MLIP: variants seen among roughly 807,000 people sequenced by gnomAD.
MLIP encodes the protein muscular LMNA interacting protein.
Under a neutral mutation model 84.8 loss-of-function variants are expected in MLIP, and 79 were observed. The ratio of observed to expected loss-of-function variants is 0.93; its 90% CI spans 0.78 to 1.12. The LOEUF is 1.12. Ranked by LOEUF, MLIP falls within the 50% of genes most tolerant of loss-of-function variation. MLIP has a pLI of 0.00. For synonymous variants in MLIP, 504 were observed against 463.0 expected, an observed-to-expected ratio of 1.09 and a Z score of -1.14; for missense variants, 1,257 against 1,160.6, an observed-to-expected ratio of 1.08 and a Z score of -1.21.
At chr6:54,192,292 A>G (rs148874824) in intron 10 of MLIP, among the ~76,000 whole-genome samples, 51 of 152,054 alleles carry the variant, frequency 3.4e-4, no homozygotes, top group Middle Eastern at 3.5e-3. Flanking sequence ...TCAAGTAAGC[A>G]TATCACATTA....
At chr6:54,232,585 T>A (rs1372158491) in intron 12 of MLIP, among the ~76,000 whole-genome samples, 1 of 152,238 alleles carries the variant, frequency 6.6e-6, no homozygotes. Context: ...TAGTCTTGAA[T>A]CTGTATTGCC....
chr6:54,228,180 C>CA (rs869112313), intron 11 of MLIP, among the ~76,000 whole-genome samples: 5 of 75,816 alleles, frequency 6.6e-5, no homozygotes, highest in African/African-American at 2.4e-4. Flanking sequence ...GAGACTGTCT[C>CA]AAAAAAAAAA....
At chr6:54,224,295 G>A (rs963145230) in intron 11 of MLIP, among the ~76,000 whole-genome samples, 3 of 151,672 alleles carry the variant, frequency 2.0e-5, no homozygotes, top group African/African-American at 4.8e-5. Context: ...CACAAAATAC[G>A]ACACTGCTTC....
chr6:54,137,409 C>G lies in MLIP; in HGVS notation c.1340C>G (p.Ser447Cys). The change falls in exon 4 of 14, where the codon TCC (serine) becomes TGC (cysteine). Residue 447 changes from serine to cysteine, a missense_variant. Coordinates refer to ENST00000502396, the MANE Select transcript of MLIP (RefSeq NM_001281747.2). ...TTCTCTCTCAACTCCCCGGCCTCTT[C>G]CACGCTCACACTTGACCAAAAAGAA... ...PTFSLNSPAS[S>C]TLTLDQKEKQ... The G allele has an allele frequency of 6.5e-7, 1 of 1,536,096 alleles. No homozygotes were observed. The highest frequency in any genetic ancestry group is 8.7e-7 in the Non-Finnish European group (1 of 1,146,880).
chr6:54,185,469 G>C (rs1777297538), intron 9 of MLIP, among the ~76,000 whole-genome samples: 1 of 152,030 alleles, frequency 6.6e-6, no homozygotes, highest in Non-Finnish European at 1.5e-5. Flanking sequence ...AAGGAATTTG[G>C]GGGATTTATA....
chr6:54,039,558 T>G (rs1426924919), intron 1 of MLIP, among the ~76,000 whole-genome samples: 1 of 151,844 alleles, frequency 6.6e-6, no homozygotes, highest in Admixed American at 6.6e-5. Flanking sequence ...ATGGTGCTCA[T>G]CTGTGAATCT....
At chr6:54,098,673 G>C (rs1768409430) in intron 1 of MLIP, among the ~76,000 whole-genome samples, 1 of 152,102 alleles carries the variant, frequency 6.6e-6, no homozygotes, top group African/African-American at 2.4e-5. Flanking sequence ...AAGAGGATGT[G>C]GGAATAGGTA....
At chr6:54,124,417 A>G (rs1714460917) in intron 2 of MLIP, 56 bp from the exon 3 acceptor site, 13 of 1,505,416 alleles carry the variant, frequency 8.6e-6, no homozygotes, top group Admixed American at 2.1e-5. Flanking sequence ...ACATGCCAAA[A>G]AAGAAGCATT....
chr6:54,237,718 C>T (rs1257024786), intron 12 of MLIP, among the ~76,000 whole-genome samples: 8 of 149,920 alleles, frequency 5.3e-5, no homozygotes, highest in East Asian at 3.9e-4. Context: ...GGCATGGTTT[C>T]GTGCACCTGT....
In MLIP at chr6:54,156,613, T is replaced by G. The variant is rs139116168; in HGVS notation, c.2290-3754T>G. 3.3e-3 allele frequency among the ~76,000 whole-genome samples: 502 copies of G among 152,228 alleles called. 4 individuals are homozygous for G. Among genetic ancestry groups the G allele is most frequent in the African/African-American group, 0.011 (446 of 41,560 alleles). ...AGAAAGATATAGTTTATTTGTCAAT[T>G]AAATTACTCAAAGAGTTTAAATCAC... On this transcript the variant is annotated intron_variant, in intron 5 of 13. Transcript: ENST00000502396.
At chr6:54,205,342 A>T (rs1207538415) in intron 11 of MLIP, among the ~76,000 whole-genome samples, 1 of 152,214 alleles carries the variant, frequency 6.6e-6, no homozygotes, top group African/African-American at 2.4e-5. Flanking sequence ...AGCTGATCTC[A>T]TCCACCCATG....
At chr6:54,246,110 C>G (rs971396684) in intron 12 of MLIP, among the ~76,000 whole-genome samples, 4 of 152,136 alleles carry the variant, frequency 2.6e-5, no homozygotes, top group African/African-American at 9.7e-5. Flanking sequence ...TTCTGTGAAT[C>G]AAATGGAAAT....
At chr6:54,059,107 G>A (rs936933338) in intron 1 of MLIP, 1 of 152,160 alleles carries the variant, frequency 6.6e-6, no homozygotes, top group Non-Finnish European at 1.5e-5. Context: ...TAGAGGGAGA[G>A]ATTTGAATCA....
chr6:54,235,187 C>T (rs1043645916), intron 12 of MLIP, among the ~76,000 whole-genome samples: 3 of 152,126 alleles, frequency 2.0e-5, no homozygotes, highest in African/African-American at 4.8e-5. Context: ...AAGTTGAATG[C>T]GTTCTTATAT....
chr6:54,173,802 G>C (rs1484749966), intron 9 of MLIP, among the ~76,000 whole-genome samples: 1 of 151,722 alleles, frequency 6.6e-6, no homozygotes, highest in Non-Finnish European at 1.5e-5. Flanking sequence ...ATTATTGATT[G>C]TGCTATCAAA....
intron 12 of MLIP, among the ~76,000 whole-genome samples, chr6:54,234,870 C>A (rs1781259156): frequency 6.6e-6 from 1 of 152,210 alleles, no homozygotes; most frequent in Admixed American, 6.5e-5. Flanking sequence ...AATTGCCTCA[C>A]TTCAGCTATT....
chr6:54,134,584 G>T (rs1771650161), intron 3 of MLIP, among the ~76,000 whole-genome samples: 1 of 151,830 alleles, frequency 6.6e-6, no homozygotes. Context: ...AAAATTCTGA[G>T]ATATTTATAT....
At chr6:54,147,215 C>T (rs945570664) in intron 4 of MLIP, among the ~76,000 whole-genome samples, 6 of 152,180 alleles carry the variant, frequency 3.9e-5, no homozygotes, top group African/African-American at 7.2e-5. Flanking sequence ...AGAGAAAGCA[C>T]GTATATTGGA....
At chr6:54,255,139 CCTGT>C (rs1034177233) in intron 12 of MLIP, among the ~76,000 whole-genome samples, 2 of 152,096 alleles carry the variant, frequency 1.3e-5, no homozygotes, top group African/African-American at 2.4e-5. Context: ...ATTCACTTCC[CCTGT>C]CTCTCTGTCT....
Sources: gnomAD v4.1 joint callset for allele counts (sites outside exome capture counted in the v4.1 genomes callset) on GRCh38, gnomAD v4.1.1 for gene constraint, MANE v1.5 for transcripts, NCBI Gene and HGNC (gene_info 2026-07-23, HGNC 2026-07-21) for gene names.